The following RIMS1 variants were observed in gnomAD, a reference collection of about 807,000 sequenced individuals.
RIMS1 encodes regulating synaptic membrane exocytosis 1.
RIMS1 carries 83 observed loss-of-function variants against 214.1 expected under a neutral mutation model. The observed-to-expected ratio is 0.39, with a 90% confidence interval of 0.32 to 0.47. The LOEUF (loss-of-function observed/expected upper bound fraction) is 0.47. RIMS1 is among the 20% of genes least tolerant of loss of function. The pLI is 0.99. For synonymous variants in RIMS1, 793 were observed against 786.8 expected (o/e 1.01, Z -0.13); for missense variants, 2,050 against 2,161.8 (o/e 0.95, Z 1.03).
At chr6:71,954,200 A>G (rs1790491663) in intron 1 of RIMS1, among the ~76,000 whole-genome samples, 1 of 152,206 alleles carries the variant, frequency 6.6e-6, no homozygotes, top group African/African-American at 2.4e-5. Flanking sequence ...TATAAGACAT[A>G]TTTTGGTTCT....
intron 24 of RIMS1, among the ~76,000 whole-genome samples, chr6:72,285,735 T>G (rs1423967048): frequency 6.6e-6 from 1 of 152,228 alleles, no homozygotes; most frequent in African/African-American, 2.4e-5. Flanking sequence ...TAACTGCAGT[T>G]TCTTTACCAT....
In RIMS1 at chr6:72,251,012, G is replaced by T; in HGVS notation, c.2464G>T (p.Asp822Tyr). The change falls in exon 14 of 34, where the codon GAT becomes TAT. Residue 822 changes from aspartate (D) to tyrosine (Y), a missense_variant. Physicochemically the swap from Asp to Tyr is radical, Grantham distance 160. Around this residue, in one of 6 missense-constraint regions of RIMS1, gnomAD observed 889 missense variants for 885.5 expected, o/e 1.00. Coordinates refer to ENST00000521978, the MANE Select transcript of RIMS1 (RefSeq NM_014989.7). ...TFVYSHVHRRDFRERMLEITV... is the reference protein window; with the variant it reads ...TFVYSHVHRRYFRERMLEITV... Reference sequence around the variant, plus strand: ...TGTCTATTCACATGTACATCGTAGAGATTTTAGAGAACGAATGTTAGAAAT... The same window carrying T: ...TGTCTATTCACATGTACATCGTAGATATTTTAGAGAACGAATGTTAGAAAT... 1 of 1,571,408 alleles carries T rather than the reference G, an allele frequency of 6.4e-7. No individual in the cohort carries two copies.
chr6:72,290,338 A>G (rs2093166191), intron 24 of RIMS1, among the ~76,000 whole-genome samples: 1 of 152,192 alleles, frequency 6.6e-6, no homozygotes, highest in Non-Finnish European at 1.5e-5. Context: ...AGCTCTTGCT[A>G]TCTGTGCAGC....
chr6:72,297,645 T>G (rs2154263960), intron 26 of RIMS1, among the ~76,000 whole-genome samples: 1 of 152,006 alleles, frequency 6.6e-6, no homozygotes, highest in South Asian at 2.1e-4. Flanking sequence ...GATGTAGAAA[T>G]GCCTCACAGA....
chr6:72,185,647 T>C (rs1469269645), intron 6 of RIMS1, among the ~76,000 whole-genome samples: 1 of 152,158 alleles, frequency 6.6e-6, no homozygotes, highest in Non-Finnish European at 1.5e-5. Flanking sequence ...TTGACTTCTT[T>C]TACCACATGG....
intron 29 of RIMS1, among the ~76,000 whole-genome samples, chr6:72,352,983 CTTTTTTTTTTTT>C (rs70994123): frequency 2.3e-3 from 199 of 88,278 alleles, no homozygotes; most frequent in Admixed American, 3.3e-3. Context: ...ATTCTTTTTT[CTTTTTTTTTTTT>C]TTTTTTTTTT....
At position 72,024,900 on chromosome 6, in the gene RIMS1, G is replaced by GTTTTTTTTTTTTTTTTTTTTT. The variant is rs777214787; in HGVS notation, c.245+55840_245+55860dup. Among the ~76,000 whole-genome samples, 19 of 98,666 alleles carry GTTTTTTTTTTTTTTTTTTTTT rather than the reference G, an allele frequency of 1.9e-4. 1 individual carries two copies. Among genetic ancestry groups the GTTTTTTTTTTTTTTTTTTTTT allele is most frequent in the African/African-American group, 7.1e-4 (19 of 26,622 alleles). 64.7% of individuals were successfully genotyped at this position (98,666 alleles called of 152,430 possible). ...AACTCAGGATTCTTAAAATCTGTGG[G>GTTTTTTTTTTTTTTTTTTTTT]TTTTTTTTTTTTTTTTTTTTTTTGA... On this transcript the variant is annotated intron_variant, in intron 2 of 33. Transcript: ENST00000521978.
At chr6:71,916,813 G>A (rs1205268038) in intron 1 of RIMS1, among the ~76,000 whole-genome samples, 1 of 152,130 alleles carries the variant, frequency 6.6e-6, no homozygotes, top group Admixed American at 6.6e-5. Flanking sequence ...AATTAAGTAA[G>A]TCAGTTAATT....
intron 30 of RIMS1, 52 bp downstream of exon 30, chr6:72,390,788 A>C: frequency 1.3e-6 from 2 of 1,584,220 alleles, no homozygotes; most frequent in Non-Finnish European, 1.7e-6. Context: ...ATTGTGTACT[A>C]ATCAGTAAGA....
rs115480340 is a variant in RIMS1 at position 72,289,290 on chromosome 6, A to G, written c.3555-1389A>G. ...GTTTATTGTCATGATAATGACTTTTAAAGAGTAATAGATAAAACTCTCATC... is the reference window on the plus strand; with the variant it reads ...GTTTATTGTCATGATAATGACTTTTGAAGAGTAATAGATAAAACTCTCATC... On this transcript the variant is annotated intron_variant, in intron 24 of 33. Coordinates refer to ENST00000521978, the MANE Select transcript of RIMS1 (RefSeq NM_014989.7). 5.4e-3 allele frequency among the ~76,000 whole-genome samples: 830 copies of G among 152,308 alleles called. 8 individuals are homozygous for G. Among genetic ancestry groups the G allele is most frequent in the African/African-American group, 0.019 (807 of 41,566 alleles).
intron 2 of RIMS1, among the ~76,000 whole-genome samples, chr6:72,026,674 C>T (rs1419362055): frequency 6.6e-6 from 1 of 152,012 alleles, no homozygotes; most frequent in East Asian, 1.9e-4. Context: ...TACATGAAAA[C>T]CTTATCTAAT....
At position 72,167,963 on chromosome 6, in the gene RIMS1, T is replaced by C. The variant is rs142008604; in HGVS notation, c.472-11612T>C. Among the ~76,000 whole-genome samples, 353 of 152,250 alleles carry C rather than the reference T, an allele frequency of 2.3e-3. 3 individuals carry two copies. Among genetic ancestry groups the C allele is most frequent in the East Asian group, 0.017 (88 of 5,186 alleles). The stretch of plus-strand genomic sequence containing the variant: ...CTCTAATATTTATTATTTTCTTCTT[T>C]ATGTGATTTTTGGCAATTTAAAATT... On this transcript the variant is annotated intron_variant, in intron 4 of 33. Transcript: ENST00000521978.
At chr6:71,991,809 A>G (rs1801633538) in intron 2 of RIMS1, among the ~76,000 whole-genome samples, 1 of 152,230 alleles carries the variant, frequency 6.6e-6, no homozygotes. Flanking sequence ...CACGCCTGCA[A>G]TCCCAACACT....
chr6:72,134,136 G>A (rs2040891978), intron 4 of RIMS1, among the ~76,000 whole-genome samples: 1 of 151,972 alleles, frequency 6.6e-6, no homozygotes, highest in Non-Finnish European at 1.5e-5. Flanking sequence ...TACTGCAGAT[G>A]TGTTATACAT....
At chr6:72,165,038 C>T (rs2463743) in intron 4 of RIMS1, among the ~76,000 whole-genome samples, 105,369 of 152,066 alleles carry the variant, frequency 0.69, 36,986 homozygotes, top group East Asian at 0.84. Context: ...GCCAGAAGTA[C>T]TGCTTCTGCT....
chr6:72,165,924 G>A (rs1301170748), intron 4 of RIMS1, among the ~76,000 whole-genome samples: 1 of 152,086 alleles, frequency 6.6e-6, no homozygotes, highest in Non-Finnish European at 1.5e-5. Context: ...ACAATACTGA[G>A]TTTTTCAGTC....
intron 26 of RIMS1, among the ~76,000 whole-genome samples, chr6:72,302,983 G>T (rs2094781412): frequency 6.6e-6 from 1 of 150,536 alleles, no homozygotes; most frequent in South Asian, 2.1e-4. Context: ...TTAATTTCAA[G>T]GTGCATAGAG....
chr6:72,241,151 A>T (rs1250247253), intron 9 of RIMS1, among the ~76,000 whole-genome samples: 3 of 152,222 alleles, frequency 2.0e-5, no homozygotes, highest in Admixed American at 2.0e-4. Context: ...ATACTAGCAA[A>T]GCAATTTTCC....
intron 2 of RIMS1, among the ~76,000 whole-genome samples, chr6:72,088,284 T>C (rs888546669): frequency 3.3e-5 from 5 of 151,358 alleles, no homozygotes; most frequent in Admixed American, 6.6e-5. Context: ...GTCTCACTCT[T>C]GTCACCCAGG....
Sources: allele counts gnomAD v4.1 joint callset (sites outside exome capture counted in the v4.1 genomes callset), GRCh38; gene constraint gnomAD v4.1.1; regional missense constraint gnomAD v4.1.1; transcripts MANE v1.5; gene names NCBI Gene and HGNC (gene_info 2026-07-23, HGNC 2026-07-21).